RALGPS1: variants seen among roughly 807,000 people sequenced by gnomAD.
The protein encoded by RALGPS1 is Ral GEF with PH domain and SH3 binding motif 1.
A neutral mutation model predicts 78.8 loss-of-function variants in RALGPS1; 19 were observed. That is an observed-to-expected ratio of 0.24 (90% CI 0.17 to 0.35). The LOEUF is 0.35. Among genes scored for constraint, RALGPS1 ranks in the 10% least tolerant of loss-of-function variants. The pLI, the probability that RALGPS1 is intolerant of heterozygous loss-of-function variation, is 1.00. For missense variants in RALGPS1, 454 were observed against 688.3 expected (o/e 0.66, Z 3.81); for synonymous variants, 228 against 256.3 (o/e 0.89, Z 1.06).
chr9:127,125,761 TGAG>T lies in RALGPS1; in HGVS notation c.611-40304_611-40302del, dbSNP rs533929569. Among the ~76,000 whole-genome samples, 10 of 152,370 alleles carry T rather than the reference TGAG, an allele frequency of 6.6e-5. No individual in the cohort carries two copies. In the East Asian group the frequency reaches 1.3e-3, roughly 21 times the overall value. On this transcript the variant is annotated intron_variant, in intron 8 of 18. Transcript: ENST00000259351. Reference sequence around the variant, plus strand: ...AGAAGCATCATGTGACTAAAGCATTTGAGGAGAAGGGAATCTTCCTTTCCTTTT... The same window carrying T: ...AGAAGCATCATGTGACTAAAGCATTTGAGAAGGGAATCTTCCTTTCCTTTT...
intron 4 of RALGPS1, among the ~76,000 whole-genome samples, chr9:126,986,878 A>C (rs757912245): frequency 1.3e-5 from 2 of 152,128 alleles, no homozygotes; most frequent in Non-Finnish European, 2.9e-5. Context: ...TATTTTCTTT[A>C]TGCCTTGATT....
intron 5 of RALGPS1, among the ~76,000 whole-genome samples, chr9:127,041,684 G>T (rs1375735880): frequency 6.6e-6 from 1 of 152,198 alleles, no homozygotes; most frequent in African/African-American, 2.4e-5. Context: ...GACTAGAAGA[G>T]TAGGGGAAGG....
chr9:126,916,935 A>C (rs1229775664), intron 1 of RALGPS1, among the ~76,000 whole-genome samples: 1 of 152,192 alleles, frequency 6.6e-6, no homozygotes, highest in East Asian at 1.9e-4. Context: ...GTGACCTTTC[A>C]AAGCCCAGTG....
At chr9:127,012,115 G>T (rs1409295860) in intron 4 of RALGPS1, among the ~76,000 whole-genome samples, 1 of 152,154 alleles carries the variant, frequency 6.6e-6, no homozygotes, top group Non-Finnish European at 1.5e-5. Context: ...TTAATTTATG[G>T]CTGCAGATTG....
At chr9:127,196,333 A>C (rs1239101929) in intron 12 of RALGPS1, 141 bp from the exon 13 acceptor site, 3 of 874,744 alleles carry the variant, frequency 3.4e-6, no homozygotes, top group African/African-American at 1.7e-5. Context: ...ATGAGAGAGG[A>C]CAGAGCCTGG....
chr9:126,999,672 G>A (rs1028497132), intron 4 of RALGPS1, among the ~76,000 whole-genome samples: 1 of 151,948 alleles, frequency 6.6e-6, no homozygotes, highest in Non-Finnish European at 1.5e-5. Flanking sequence ...TTTCTTTTTA[G>A]TGCTGAATAA....
At chr9:126,926,704 A>T (rs979717745) in intron 1 of RALGPS1, among the ~76,000 whole-genome samples, 2 of 151,990 alleles carry the variant, frequency 1.3e-5, no homozygotes, top group East Asian at 3.9e-4. Context: ...AGTGTGGAGG[A>T]TGATGGTGTG....
chr9:127,153,608 T>G (rs977267160), intron 8 of RALGPS1, among the ~76,000 whole-genome samples: 18 of 152,042 alleles, frequency 1.2e-4, no homozygotes, highest in Non-Finnish European at 7.4e-5. Flanking sequence ...GTGAGCTGGT[T>G]CCTAAGCACA....
intron 8 of RALGPS1, among the ~76,000 whole-genome samples, chr9:127,132,961 C>G (rs1414414456): frequency 2.0e-5 from 3 of 152,252 alleles, no homozygotes; most frequent in Admixed American, 2.0e-4. Flanking sequence ...AGCCCCACTG[C>G]ATGCTAGCTG....
chr9:127,108,366 C>T (rs2054454770), intron 8 of RALGPS1: 4 of 1,611,162 alleles, frequency 2.5e-6, no homozygotes, highest in Non-Finnish European at 3.4e-6. Flanking sequence ...CCTTGCGCAG[C>T]AGCTTCACCT....
At chr9:127,058,750 T>TGC (rs1421251643) in intron 7 of RALGPS1, among the ~76,000 whole-genome samples, 1 of 152,164 alleles carries the variant, frequency 6.6e-6, no homozygotes, top group Non-Finnish European at 1.5e-5. Flanking sequence ...TACAGTCAGG[T>TGC]GCTAGACATG....
intron 11 of RALGPS1, among the ~76,000 whole-genome samples, chr9:127,187,878 CAG>C (rs1418512229): frequency 2.0e-5 from 3 of 152,090 alleles, no homozygotes; most frequent in Non-Finnish European, 4.4e-5. Context: ...GCGCTTTGAG[CAG>C]AGTTTCTTCC....
chr9:127,201,744 C>T (rs2061643108), intron 14 of RALGPS1, among the ~76,000 whole-genome samples: 3 of 152,216 alleles, frequency 2.0e-5, no homozygotes, highest in South Asian at 4.1e-4. Context: ...AGGCCAAATC[C>T]TCCTACTCTA....
chr9:126,982,805 C>T (rs1326736451), intron 4 of RALGPS1, among the ~76,000 whole-genome samples: 2 of 143,682 alleles, frequency 1.4e-5, no homozygotes, highest in Non-Finnish European at 3.1e-5. Context: ...CTTCTTCTTC[C>T]TTCTTTCTTC....
intron 9 of RALGPS1, among the ~76,000 whole-genome samples, chr9:127,167,413 A>C (rs188036978): frequency 6.4e-4 from 97 of 152,366 alleles, no homozygotes; most frequent in African/African-American, 2.2e-3. Flanking sequence ...CCAGCAGAGC[A>C]ACCACAGACA....
At chr9:127,188,939 G>T (rs1287598960) in intron 11 of RALGPS1, among the ~76,000 whole-genome samples, 1 of 135,640 alleles carries the variant, frequency 7.4e-6, no homozygotes, top group Non-Finnish European at 1.5e-5. Flanking sequence ...GGTGAAGGTT[G>T]CAGTGAGCCA....
At chr9:127,188,310 A>T (rs2060796524) in intron 11 of RALGPS1, among the ~76,000 whole-genome samples, 1 of 151,976 alleles carries the variant, frequency 6.6e-6, no homozygotes, top group Non-Finnish European at 1.5e-5. Flanking sequence ...GATCCGCCCG[A>T]GCCTCAAAGA....
At chr9:127,214,655 C>A (rs2062471483) in intron 17 of RALGPS1, 96 bp from the exon 18 acceptor site, 2 of 1,513,072 alleles carry the variant, frequency 1.3e-6, no homozygotes, top group Admixed American at 4.7e-5. Flanking sequence ...GACCTTCCCA[C>A]TTTAGTTACC....
At chr9:126,939,675 A>C (rs1270379738) in intron 1 of RALGPS1, among the ~76,000 whole-genome samples, 2 of 152,260 alleles carry the variant, frequency 1.3e-5, no homozygotes, top group Non-Finnish European at 2.9e-5. Context: ...AACCCAGGAC[A>C]GTTGGACTTC....
Sources: gnomAD v4.1 joint callset for allele counts (sites outside exome capture counted in the v4.1 genomes callset) on GRCh38, gnomAD v4.1.1 for gene constraint, MANE v1.5 for transcripts, NCBI Gene and HGNC (gene_info 2026-07-23, HGNC 2026-07-21) for gene names.